DLG2: variants seen among roughly 807,000 people sequenced by gnomAD.
The protein encoded by DLG2 is discs large MAGUK scaffold protein 2, also known as disks large homolog 2.
DLG2 carries 45 observed loss-of-function variants against 132.5 expected under a neutral mutation model. The ratio of observed to expected loss-of-function variants is 0.34; its 90% CI spans 0.27 to 0.44. The LOEUF is 0.44. Among genes scored for constraint, DLG2 ranks in the 20% least tolerant of loss-of-function variants. The probability of loss-of-function intolerance (pLI) is 1.00; values close to 1 mark genes in which losing one functional copy is unlikely to be tolerated. For synonymous variants in DLG2, 424 were observed against 419.6 expected, an observed-to-expected ratio of 1.01 and a Z score of -0.13; for missense variants, 1,045 against 1,196.9, an observed-to-expected ratio of 0.87 and a Z score of 1.87.
chr11:83,795,897 A>G (rs763738874), intron 17 of DLG2, among the ~76,000 whole-genome samples: 25 of 152,308 alleles, frequency 1.6e-4, no homozygotes, highest in Non-Finnish European at 3.1e-4. Context: ...TTGACCTTTT[A>G]AAATTTCTCT....
At position 85,012,309 on chromosome 11, in the gene DLG2, G is replaced by A. The variant is rs1235383282; in HGVS notation, c.357+99352C>T. On this transcript the variant is annotated intron_variant, in intron 6 of 27. Coordinates refer to ENST00000376104, the MANE Select transcript of DLG2 (RefSeq NM_001142699.3). The stretch of plus-strand genomic sequence containing the variant: ...TGGGAAGCTAAGGCGGGTGGATCAC[G>A]AGGTCAGGAGATCGAGACCATCCTG... Among the ~76,000 whole-genome samples, 4 of 74,132 alleles carry A rather than the reference G, an allele frequency of 5.4e-5. 2 individuals are homozygous for A. Among genetic ancestry groups the A allele is most frequent in the Admixed American group, 4.8e-4 (4 of 8,292 alleles). 48.6% of individuals were successfully genotyped at this position (74,132 alleles called of 152,430 possible).
chr11:83,709,173 T>C (rs899691984), intron 18 of DLG2, among the ~76,000 whole-genome samples: 7 of 151,910 alleles, frequency 4.6e-5, no homozygotes, highest in Non-Finnish European at 2.9e-5. Flanking sequence ...AGAAAGAATC[T>C]TTTTGAGAGG....
intron 6 of DLG2, among the ~76,000 whole-genome samples, chr11:84,617,472 T>A (rs971458413): frequency 6.6e-6 from 1 of 152,192 alleles, no homozygotes; most frequent in Admixed American, 6.5e-5. Flanking sequence ...TATAGTAGAT[T>A]GATTTATAAT....
At chr11:83,557,232 C>A (rs2096536656) in intron 19 of DLG2, among the ~76,000 whole-genome samples, 1 of 152,186 alleles carries the variant, frequency 6.6e-6, no homozygotes, top group Admixed American at 6.5e-5. Context: ...TAAGCAAATT[C>A]TTTCTATTTG....
At chr11:83,694,294 A>G (rs2081492858) in intron 18 of DLG2, among the ~76,000 whole-genome samples, 1 of 152,190 alleles carries the variant, frequency 6.6e-6, no homozygotes, top group African/African-American at 2.4e-5. Context: ...CTTGCGTGGA[A>G]AGAACATCCT....
chr11:84,399,873 C>T (rs549127321), intron 7 of DLG2, among the ~76,000 whole-genome samples: 5 of 152,328 alleles, frequency 3.3e-5, no homozygotes, highest in South Asian at 2.1e-4. Flanking sequence ...TTGTTCAGCA[C>T]GTCTGGCCCA....
At chr11:84,449,404 T>C (rs992175272) in intron 7 of DLG2, among the ~76,000 whole-genome samples, 3 of 151,862 alleles carry the variant, frequency 2.0e-5, no homozygotes, top group African/African-American at 7.2e-5. Flanking sequence ...ATATTCCTGA[T>C]ATTAACTGCA....
intron 6 of DLG2, among the ~76,000 whole-genome samples, chr11:85,023,707 T>C (rs2060275538): frequency 2.0e-5 from 3 of 152,070 alleles, no homozygotes; most frequent in Admixed American, 2.0e-4. Context: ...CGATAACTAT[T>C]CTAAATAGGA....
intron 4 of DLG2, among the ~76,000 whole-genome samples, chr11:85,203,398 A>G (rs1595354884): frequency 6.6e-6 from 1 of 152,170 alleles, no homozygotes; most frequent in Middle Eastern, 3.4e-3. Context: ...AGAAATACAA[A>G]GGATCATTAG....
rs564085580 is a variant in DLG2 at position 84,971,723 on chromosome 11, T to A, written c.357+139938A>T. Among the ~76,000 whole-genome samples, 20 of 152,286 alleles carry A rather than the reference T, an allele frequency of 1.3e-4. No individual in the cohort carries two copies. The South Asian group carries it at 1.4e-3, about 11-fold the overall frequency. On this transcript the variant is annotated intron_variant, in intron 6 of 27. Transcript: ENST00000376104. ...GATGGTATCAAAAGCCCTACAGTCA[T>A]GTTAAATGACCTAGAGAAAACTTCA...
chr11:83,735,594 T>A (rs2091795040), intron 18 of DLG2, among the ~76,000 whole-genome samples: 1 of 152,250 alleles, frequency 6.6e-6, no homozygotes, highest in Admixed American at 6.5e-5. Flanking sequence ...TGGCCTAATA[T>A]TTTGTAATAA....
At chr11:85,117,962 T>C (rs1398107124) in intron 5 of DLG2, among the ~76,000 whole-genome samples, 1 of 152,010 alleles carries the variant, frequency 6.6e-6, no homozygotes, top group Admixed American at 6.6e-5. Flanking sequence ...GAATCCAAAA[T>C]AAAATGACTT....
intron 6 of DLG2, among the ~76,000 whole-genome samples, chr11:84,807,202 T>C (rs1251197839): frequency 6.6e-6 from 1 of 152,128 alleles, no homozygotes; most frequent in Non-Finnish European, 1.5e-5. Context: ...TCCCAGCACT[T>C]TGGGAGACCA....
At chr11:84,927,157 A>T (rs2093006850) in intron 6 of DLG2, among the ~76,000 whole-genome samples, 1 of 152,022 alleles carries the variant, frequency 6.6e-6, no homozygotes, top group African/African-American at 2.4e-5. Context: ...TCAATATTAA[A>T]GCAATATGCA....
intron 6 of DLG2, among the ~76,000 whole-genome samples, chr11:84,609,067 T>A (rs2154536762): frequency 6.6e-6 from 1 of 152,316 alleles, no homozygotes; most frequent in African/African-American, 2.4e-5. Flanking sequence ...TACGTGATGT[T>A]ACTACATATA....
In DLG2 at chr11:84,070,916, ATC is replaced by A. The variant is rs1398108015; in HGVS notation, c.750-11434_750-11433del. ...TCAAATGGAGCAGAGTCTGAAATTA[ATC>A]TTATCTCTTCCCCATAGACAACCCT... On this transcript the variant is annotated intron_variant, in intron 10 of 27. Coordinates refer to ENST00000376104, the MANE Select transcript of DLG2 (RefSeq NM_001142699.3). 3.3e-4 allele frequency among the ~76,000 whole-genome samples: 50 copies of A among 152,338 alleles called. 1 individual carries two copies. Among genetic ancestry groups the A allele is most frequent in the Admixed American group, 3.2e-3 (49 of 15,298 alleles).
chr11:83,572,075 T>C (rs761989602), intron 19 of DLG2, among the ~76,000 whole-genome samples: 2 of 151,990 alleles, frequency 1.3e-5, no homozygotes, highest in Non-Finnish European at 2.9e-5. Context: ...GGTGGAATTA[T>C]GAGTGGGTTA....
intron 6 of DLG2, among the ~76,000 whole-genome samples, chr11:84,609,624 T>G (rs960279451): frequency 2.6e-5 from 4 of 152,070 alleles, no homozygotes; most frequent in Non-Finnish European, 5.9e-5. Context: ...GGGATGAAAA[T>G]TATGAGTTAA....
chr11:85,446,823 G>GTA (rs2092031857), intron 3 of DLG2, among the ~76,000 whole-genome samples: 1 of 150,760 alleles, frequency 6.6e-6, no homozygotes, highest in Non-Finnish European at 1.5e-5. Context: ...GTGTGTGTGT[G>GTA]TGTTTATATA....
Sources: gnomAD v4.1 joint callset for allele counts (sites outside exome capture counted in the v4.1 genomes callset) on GRCh38, gnomAD v4.1.1 for gene constraint, MANE v1.5 for transcripts, NCBI Gene and HGNC (gene_info 2026-07-23, HGNC 2026-07-21) for gene names.